Variants in EEF1AKMT2 observed in about 807,000 individuals in gnomAD.
EEF1AKMT2 encodes the protein eukaryotic translation elongation factor 1 alpha lysine methyltransferase 2.
EEF1AKMT2 carries 32 observed loss-of-function variants against 35.8 expected under a neutral mutation model. That is an observed-to-expected ratio of 0.89 (90% CI 0.67 to 1.20). The LOEUF (loss-of-function observed/expected upper bound fraction) is 1.20. Among genes scored for constraint, EEF1AKMT2 ranks in the 50% most tolerant of loss-of-function variants. EEF1AKMT2 has a pLI of 0.00. For synonymous variants in EEF1AKMT2, 121 were observed against 133.7 expected, an observed-to-expected ratio of 0.91 and a Z score of 0.65; for missense variants, 330 against 347.5, an observed-to-expected ratio of 0.95 and a Z score of 0.40.
intron 4 of EEF1AKMT2, among the ~76,000 whole-genome samples, chr10:124,774,164 G>A (rs777290695): frequency 2.6e-5 from 4 of 151,922 alleles, no homozygotes; most frequent in Admixed American, 2.0e-4. Flanking sequence ...TCAGGAGATC[G>A]AGACCGTCCT....
intron 5 of EEF1AKMT2, among the ~76,000 whole-genome samples, chr10:124,764,693 C>T (rs916103239): frequency 1.5e-4 from 23 of 152,128 alleles, no homozygotes; most frequent in Non-Finnish European, 3.2e-4. Flanking sequence ...CCTAAATGAC[C>T]GCTAGTGCAA....
chr10:124,772,182 C>T (rs114456938), intron 4 of EEF1AKMT2, among the ~76,000 whole-genome samples: 199 of 152,262 alleles, frequency 1.3e-3, no homozygotes, highest in African/African-American at 4.5e-3. Context: ...ACAATAATGT[C>T]AGCCTCTCCT....
chr10:124,758,655 T>C lies in EEF1AKMT2; in HGVS notation c.*1848A>G, dbSNP rs897263842. ...AGTCTAGTCACACAGAAAGCCTAGT[T>C]TGTAGGATTAGCACATTAAAATAGC... On this transcript the variant is annotated 3_prime_UTR_variant, in exon 7 of 7. Coordinates refer to ENST00000368836, the MANE Select transcript of EEF1AKMT2 (RefSeq NM_212554.4). 27 of 152,114 alleles carry C rather than the reference T, an allele frequency of 1.8e-4. No individual in the cohort carries two copies. The highest frequency in any genetic ancestry group is 1.6e-3 in the Admixed American group (25 of 15,256). 9.4% of individuals were successfully genotyped at this position (152,114 alleles called of 1,614,324 possible).
At position 124,758,934 on chromosome 10, in the gene EEF1AKMT2, T is replaced by C. The variant is rs1950307866; in HGVS notation, c.*1569A>G. ...ATGTTATTTTTGTTGACAGTCCACA[T>C]ACATGTCTTCAACTATCTTGTCTTA... On this transcript the variant is annotated 3_prime_UTR_variant, in exon 7 of 7. Transcript: ENST00000368836. 1 of 152,212 alleles carries C rather than the reference T, an allele frequency of 6.6e-6. No individual in the cohort carries two copies. The highest frequency in any genetic ancestry group is 2.4e-5 in the African/African-American group (1 of 41,462). 9.4% of individuals were successfully genotyped at this position (152,212 alleles called of 1,614,324 possible).
chr10:124,787,147 CGT>C (rs1950591952), intron 3 of EEF1AKMT2, among the ~76,000 whole-genome samples: 1 of 70 alleles, frequency 0.014, no homozygotes, highest in African/African-American at 0.056. Context: ...GGGGTTTCAC[CGT>C]GTTAGCCAAG....
chr10:124,762,838 G>T (rs1351398242), intron 5 of EEF1AKMT2, among the ~76,000 whole-genome samples: 1 of 151,986 alleles, frequency 6.6e-6, no homozygotes, highest in East Asian at 1.9e-4. Flanking sequence ...ACCCATATTT[G>T]TTTTCAAAAA....
chr10:124,775,749 T>C (rs1205908490), intron 3 of EEF1AKMT2, among the ~76,000 whole-genome samples: 2 of 152,220 alleles, frequency 1.3e-5, no homozygotes, highest in African/African-American at 2.4e-5. Context: ...TTGCTCCCTT[T>C]ATTTTTGTTT....
At chr10:124,778,059 C>CTAATTACAGCT (rs570212973) in intron 3 of EEF1AKMT2, among the ~76,000 whole-genome samples, 199 of 151,876 alleles carry the variant, frequency 1.3e-3, no homozygotes, top group African/African-American at 4.6e-3. Flanking sequence ...GGCGTGGTGG[C>CTAATTACAGCT]GGGTGCCTGT....
At chr10:124,768,106 G>A (rs950047487) in intron 4 of EEF1AKMT2, among the ~76,000 whole-genome samples, 2 of 151,982 alleles carry the variant, frequency 1.3e-5, no homozygotes, top group South Asian at 4.3e-4. Context: ...CTAGGCAGAG[G>A]GCAGCAAGTA....
intron 3 of EEF1AKMT2, among the ~76,000 whole-genome samples, chr10:124,786,207 TTCAA>T (rs1188957260): frequency 6.6e-6 from 1 of 151,918 alleles, no homozygotes; most frequent in African/African-American, 2.4e-5. Context: ...TAAACTACAC[TTCAA>T]TTAAGAATTT....
intron 3 of EEF1AKMT2, among the ~76,000 whole-genome samples, chr10:124,777,665 C>T (rs1286288393): frequency 1.3e-5 from 2 of 152,048 alleles, no homozygotes; most frequent in Non-Finnish European, 2.9e-5. Context: ...AGGCTCATGC[C>T]ACCACCATGC....
At chr10:124,782,059 G>T (rs939520964) in intron 3 of EEF1AKMT2, among the ~76,000 whole-genome samples, 1 of 152,050 alleles carries the variant, frequency 6.6e-6, no homozygotes, top group Non-Finnish European at 1.5e-5. Flanking sequence ...CACACCAAAA[G>T]ACACAGTCAA....
chr10:124,780,093 A>G (rs1950527843), intron 3 of EEF1AKMT2, among the ~76,000 whole-genome samples: 1 of 152,144 alleles, frequency 6.6e-6, no homozygotes, highest in African/African-American at 2.4e-5. Flanking sequence ...AAGAAACAGA[A>G]TAAATATTTT....
At chr10:124,787,310 G>GT (rs993455707) in intron 3 of EEF1AKMT2, among the ~76,000 whole-genome samples, 1 of 151,848 alleles carries the variant, frequency 6.6e-6, no homozygotes, top group African/African-American at 2.4e-5. Flanking sequence ...GCGTGCGCCT[G>GT]TAATCCCAGC....
intron 6 of EEF1AKMT2, among the ~76,000 whole-genome samples, chr10:124,760,719 A>T (rs1349681064): frequency 6.6e-6 from 1 of 152,238 alleles, no homozygotes; most frequent in African/African-American, 2.4e-5. Context: ...AACAAGGAAA[A>T]GACAAGACCA....
In EEF1AKMT2 at chr10:124,765,733, TA is replaced by T. The variant is rs1950373497; in HGVS notation, c.400-126del. On this transcript the variant is annotated intron_variant, in intron 4 of 6. Coordinates refer to ENST00000368836, the MANE Select transcript of EEF1AKMT2 (RefSeq NM_212554.4). ...AATTATAATGGCATTTTACATATAATAAACATATTTTCAACTTTATAGCTAA... is the reference window on the plus strand; with the variant it reads ...AATTATAATGGCATTTTACATATAATAACATATTTTCAACTTTATAGCTAA... The T allele has an allele frequency of 8.7e-6, 6 of 687,614 alleles. No individual in the cohort carries two copies. In the Admixed American group the frequency reaches 1.5e-4, roughly 18 times the overall value. The allele number at this position is 687,614 out of a possible 1,614,324, so 42.6% of individuals were successfully genotyped here.
At chr10:124,790,616 G>A (rs1156255715) in intron 1 of EEF1AKMT2, among the ~76,000 whole-genome samples, 3 of 152,140 alleles carry the variant, frequency 2.0e-5, no homozygotes, top group African/African-American at 7.2e-5. Context: ...AAAGACATTT[G>A]TCCACGTATC....
Position 124,758,243 on chromosome 10 carries a change from G to A in EEF1AKMT2, c.*2260C>T, listed in dbSNP as rs1398559338. 6.6e-6 allele frequency: 1 copy of A among 152,100 alleles called. No individual in the cohort carries two copies. The highest frequency in any genetic ancestry group is 2.4e-5 in the African/African-American group (1 of 41,396). 9.4% of individuals were successfully genotyped at this position (152,100 alleles called of 1,614,324 possible). ...TGCTTTTTATAAGTGCATAATTTCT[G>A]TCACAGTTACCCACATATTTATACA... On this transcript the variant is annotated 3_prime_UTR_variant, in exon 7 of 7. Transcript: ENST00000368836.
At chr10:124,777,279 C>CAAAAAAAAAAAA (rs768724237) in intron 3 of EEF1AKMT2, among the ~76,000 whole-genome samples, 1 of 62,820 alleles carries the variant, frequency 1.6e-5, no homozygotes, top group Non-Finnish European at 3.4e-5. Flanking sequence ...AACTCTGACT[C>CAAAAAAAAAAAA]AAAAAAAAAA....
Sources: gnomAD v4.1 joint callset for allele counts (sites outside exome capture counted in the v4.1 genomes callset) on GRCh38, gnomAD v4.1.1 for gene constraint, MANE v1.5 for transcripts, NCBI Gene and HGNC (gene_info 2026-07-23, HGNC 2026-07-21) for gene names.